Variants in ZGRF1 observed in about 807,000 individuals in gnomAD.
ZGRF1 encodes the protein 5'-3' DNA helicase ZGRF1.
A neutral mutation model predicts 203.5 loss-of-function variants in ZGRF1; 196 were observed. The observed-to-expected ratio is 0.96, with a 90% CI of 0.86 to 1.08. The LOEUF is 1.08. Ranked by LOEUF, ZGRF1 falls within the 50% of genes least tolerant of loss-of-function variation. The pLI, the probability that ZGRF1 is intolerant of heterozygous loss-of-function variation, is 0.00. For synonymous variants in ZGRF1, 809 were observed against 841.3 expected (o/e 0.96, Z 0.66); for missense variants, 2,326 against 2,416.3 (o/e 0.96, Z 0.78).
At chr4:112,571,695 G>T (rs185481643) in intron 16 of ZGRF1, among the ~76,000 whole-genome samples, 2 of 152,112 alleles carry the variant, frequency 1.3e-5, no homozygotes, top group East Asian at 3.9e-4. Flanking sequence ...CTAAATCTTG[G>T]TATTTTAAAG....
At chr4:112,634,567 C>T (rs999501194) in intron 1 of ZGRF1, among the ~76,000 whole-genome samples, 3 of 151,928 alleles carry the variant, frequency 2.0e-5, no homozygotes, top group Non-Finnish European at 4.4e-5. Context: ...AGGAGAATCA[C>T]TTGAACCCAG....
Position 112,588,461 on chromosome 4 carries a change from C to T in ZGRF1, c.3128-532G>A, listed in dbSNP as rs551885487. On this transcript the variant is annotated intron_variant, in intron 11 of 27. Coordinates refer to ENST00000505019, the MANE Select transcript of ZGRF1 (RefSeq NM_018392.5). ...TTACACTCATGAATTATCATGTTAC[C>T]CTTCAGAGTAAAAAAAGATTTTAGC... 6.6e-5 allele frequency among the ~76,000 whole-genome samples: 10 copies of T among 152,112 alleles called. No individual in the cohort carries two copies. In the South Asian group the frequency reaches 2.1e-3, roughly 32 times the overall value.
chr4:112,594,683 C>T (rs1269512332), intron 10 of ZGRF1, among the ~76,000 whole-genome samples: 1 of 151,512 alleles, frequency 6.6e-6, no homozygotes, highest in Non-Finnish European at 1.5e-5. Flanking sequence ...GAACTCCTGA[C>T]CTCAAATGAT....
intron 15 of ZGRF1, among the ~76,000 whole-genome samples, chr4:112,582,621 T>C (rs1388001183): frequency 6.6e-6 from 1 of 152,022 alleles, no homozygotes; most frequent in Admixed American, 6.6e-5. Flanking sequence ...ACCTGGCTAA[T>C]TTTTGTAGAG....
At chr4:112,599,175 C>T (rs1471504215) in intron 10 of ZGRF1, among the ~76,000 whole-genome samples, 1 of 152,048 alleles carries the variant, frequency 6.6e-6, no homozygotes, top group African/African-American at 2.4e-5. Flanking sequence ...ATATAGAGAA[C>T]CTCTATACCA....
In ZGRF1 at chr4:112,564,526, C is replaced by T. The variant is rs1011959723; in HGVS notation, c.4439-1252G>A. Among the ~76,000 whole-genome samples, 4 of 152,038 alleles carry T rather than the reference C, an allele frequency of 2.6e-5. 1 individual carries two copies. The South Asian group carries it at 8.3e-4, about 31-fold the overall frequency. On this transcript the variant is annotated intron_variant, in intron 16 of 27. Transcript: ENST00000505019. Reference sequence around the variant, plus strand: ...AAATAAACTGAAGAGAACCTTAAGACTGAATATATCTAGTAATTATTTAAT... The same window carrying T: ...AAATAAACTGAAGAGAACCTTAAGATTGAATATATCTAGTAATTATTTAAT...
At chr4:112,601,190 C>A (rs911014158) in intron 10 of ZGRF1, among the ~76,000 whole-genome samples, 31 of 151,336 alleles carry the variant, frequency 2.0e-4, no homozygotes, top group Non-Finnish European at 3.5e-4. Context: ...GCAGGAAGAT[C>A]GTTTGAGCCC....
chr4:112,588,005 T>C, intron 11 of ZGRF1, 76 bp from the exon 12 acceptor site: 1 of 1,068,106 alleles, frequency 9.4e-7, no homozygotes, highest in Non-Finnish European at 1.3e-6. Flanking sequence ...ACAGTGGGTA[T>C]ACAAAAGCAA....
intron 4 of ZGRF1, among the ~76,000 whole-genome samples, chr4:112,621,288 CA>C (rs1312479754): frequency 6.6e-6 from 1 of 151,834 alleles, no homozygotes; most frequent in African/African-American, 2.4e-5. Flanking sequence ...AATCATATTC[CA>C]AAAATGCATT....
At chr4:112,568,560 A>C (rs1339672238) in intron 16 of ZGRF1, among the ~76,000 whole-genome samples, 3 of 151,746 alleles carry the variant, frequency 2.0e-5, no homozygotes, top group African/African-American at 7.3e-5. Context: ...CAAATAAAAA[A>C]AACTAGCCAG....
rs781100141 is a variant in ZGRF1, at chr4:112,601,572, T to TA, written c.2976+1951dup. Among the ~76,000 whole-genome samples, 674 of 129,968 alleles carry TA rather than the reference T, an allele frequency of 5.2e-3. 4 individuals are homozygous for TA. The highest frequency in any genetic ancestry group is 0.015 in the African/African-American group (548 of 35,704). The allele number at this position is 129,968 out of a possible 152,430, so 85.3% of individuals were successfully genotyped here. Reference sequence around the variant, plus strand: ...CTGGGTGACAGAGCAAGACCTTGTCTAAAAAAAAAAAAAAAATTAGCTGGG... The same window carrying TA: ...CTGGGTGACAGAGCAAGACCTTGTCTAAAAAAAAAAAAAAAAATTAGCTGGG... On this transcript the variant is annotated intron_variant, in intron 10 of 27. Transcript: ENST00000505019.
chr4:112,554,827 G>C, intron 20 of ZGRF1, 45 bp from the exon 21 acceptor site: 1 of 1,058,138 alleles, frequency 9.5e-7, no homozygotes, highest in South Asian at 1.5e-5. Flanking sequence ...TTAGGAAACA[G>C]AATATAAAGT....
chr4:112,567,555 T>C (rs1377762391), intron 16 of ZGRF1, among the ~76,000 whole-genome samples: 4 of 152,160 alleles, frequency 2.6e-5, no homozygotes, highest in African/African-American at 9.7e-5. Context: ...CAGAATTGCT[T>C]GAGCCCCAGA....
chr4:112,561,911 C>CTTTTTTTTTTT (rs11385405), intron 18 of ZGRF1, among the ~76,000 whole-genome samples: 3 of 108,194 alleles, frequency 2.8e-5, no homozygotes, highest in Non-Finnish European at 5.3e-5. Flanking sequence ...TTCCTTTTCT[C>CTTTTTTTTTTT]TTTTTTTTTT....
At chr4:112,632,115 A>G in intron 2 of ZGRF1, 105 bp from the exon 3 acceptor site, 1 of 495,506 alleles carries the variant, frequency 2.0e-6, no homozygotes, top group Non-Finnish European at 3.2e-6. Context: ...GGCACCTTTC[A>G]TCAAAAAAAG....
rs765577963 is a variant in ZGRF1, at chr4:112,587,325, T to C, written c.3732A>G (p.Val1244=). The C allele has an allele frequency of 8.1e-6, 13 of 1,613,312 alleles. No homozygotes were observed. The South Asian group carries it at 1.1e-4, about 14-fold the overall frequency. Residue 1244 remains valine, a synonymous_variant, in exon 12 of 28, where the codon GTA becomes GTG. Transcript: ENST00000505019. ...QTSKTEEIKN[V]LGGSTCYNYS... is the part of the protein sequence containing the mutation. ...AGTTGTAGCAGGTAGACCCTCCTAATACATTTTTAATTTCCTCTGTCTTAG... is the reference window on the plus strand; with the variant it reads ...AGTTGTAGCAGGTAGACCCTCCTAACACATTTTTAATTTCCTCTGTCTTAG...
intron 1 of ZGRF1, 82 bp from the exon 2 acceptor site, chr4:112,633,324 A>G: frequency 3.1e-6 from 2 of 653,884 alleles, no homozygotes; most frequent in Non-Finnish European, 5.3e-6. Flanking sequence ...ACTCCCAACC[A>G]CAGACATGAA....
At chr4:112,584,497 T>G (rs1258575286) in intron 14 of ZGRF1, among the ~76,000 whole-genome samples, 4 of 152,170 alleles carry the variant, frequency 2.6e-5, no homozygotes, top group Non-Finnish European at 5.9e-5. Flanking sequence ...ATTTCTATCC[T>G]TTTTTCTCAT....
intron 7 of ZGRF1, among the ~76,000 whole-genome samples, chr4:112,611,536 A>T (rs1239376844): frequency 6.6e-6 from 1 of 152,234 alleles, no homozygotes; most frequent in Non-Finnish European, 1.5e-5. Context: ...CAGCATCCCC[A>T]TTGAGTGAGA....
Sources: allele counts gnomAD v4.1 joint callset (sites outside exome capture counted in the v4.1 genomes callset), GRCh38; gene constraint gnomAD v4.1.1; transcripts MANE v1.5; gene names NCBI Gene and HGNC (gene_info 2026-07-23, HGNC 2026-07-21).